Variants in ITFG2 observed in about 807,000 individuals in gnomAD.
ITFG2 encodes the protein integrin alpha FG-GAP repeat containing 2.
Under a neutral mutation model 54.4 loss-of-function variants are expected in ITFG2, and 36 were observed. That is an observed-to-expected ratio of 0.66 (90% CI 0.51 to 0.87). ITFG2 has a LOEUF of 0.87. Among genes scored for constraint, ITFG2 ranks in the 40% least tolerant of loss-of-function variants. The pLI is 0.00. For missense variants in ITFG2, 524 were observed against 576.7 expected (o/e 0.91, Z 0.94); for synonymous variants, 211 against 225.4 (o/e 0.94, Z 0.57).
chr12:2,834,858 G>C (rs35645225), upstream of ITFG2: 85,816 of 1,613,598 alleles, frequency 0.053, 4,026 homozygotes, highest in East Asian at 0.29. Context: ...GAGTGGGCCA[G>C]GGGCTGCTCG....
downstream of ITFG2, among the ~76,000 whole-genome samples, chr12:2,829,635 C>T (rs907617848): frequency 9.9e-5 from 15 of 151,852 alleles, no homozygotes; most frequent in African/African-American, 2.4e-4. Context: ...GCTGTGGTGG[C>T]GCACACTTGT....
intron 2 of ITFG2, among the ~76,000 whole-genome samples, chr12:2,850,919 G>A (rs1603489090): frequency 6.7e-6 from 1 of 150,338 alleles, no homozygotes; most frequent in Non-Finnish European, 1.5e-5. Context: ...TGATTCGCCC[G>A]CCTTGGCCTC....
chr12:2,820,259 G>A, intron 5 of ITFG2, 34 bp downstream of exon 5: 1 of 1,533,048 alleles, frequency 6.5e-7, no homozygotes. Context: ...AAGGCCCCAG[G>A]GAGCTGGGAG....
At chr12:2,829,124 T>A (rs1188140141), downstream of ITFG2, among the ~76,000 whole-genome samples, 1 of 152,042 alleles carries the variant, frequency 6.6e-6, no homozygotes, top group Non-Finnish European at 1.5e-5. Context: ...GAAACGGTGA[T>A]TTGTTTGTTT....
chr12:2,858,748 T>C, intron 3 of ITFG2: 27 of 1,614,190 alleles, frequency 1.7e-5, no homozygotes, highest in Non-Finnish European at 2.3e-5. Flanking sequence ...AGGCTGTCAT[T>C]CATTGTGTCC....
intron 2 of ITFG2, among the ~76,000 whole-genome samples, chr12:2,850,495 A>C (rs2098066595): frequency 6.7e-6 from 1 of 149,778 alleles, no homozygotes; most frequent in East Asian, 2.0e-4. Context: ...AAAAAAAAAA[A>C]TGGGGCCCCA....
rs756185712 is a variant in ITFG2 at position 2,820,235 on chromosome 12, T to G, written c.546+10T>G. The G allele has an allele frequency of 6.3e-7, 1 of 1,578,510 alleles. No homozygotes were observed. The highest frequency in any genetic ancestry group is 1.2e-5 in the South Asian group (1 of 85,728). On this transcript the variant is annotated intron_variant, in intron 5 of 11. Coordinates refer to ENST00000228799, the MANE Select transcript of ITFG2 (RefSeq NM_018463.4). ...GATGCTGGAGGGTCAGGTAAGAAGC[T>G]GACTCTGGGGAACAAGGCCCCAGGG... is the stretch of plus-strand genomic sequence containing the variant.
chr12:2,848,863 A>G (rs193239384), intron 2 of ITFG2, among the ~76,000 whole-genome samples: 2,275 of 136,658 alleles, frequency 0.017, 57 homozygotes, highest in African/African-American at 0.062. Context: ...CCCCACCCCA[A>G]CAGACACACA....
intron 9 of ITFG2, 82 bp downstream of exon 9, chr12:2,821,874 C>A: frequency 3.0e-6 from 3 of 1,008,756 alleles, no homozygotes; most frequent in Non-Finnish European, 4.5e-6. Context: ...AGGCTATTCT[C>A]ACATCCCAGG....
chr12:2,843,800 G>A (rs1488921753), intron 2 of ITFG2, among the ~76,000 whole-genome samples: 6 of 149,110 alleles, frequency 4.0e-5, no homozygotes, highest in African/African-American at 1.0e-4. Context: ...GTGACAGAGC[G>A]AGACTCCATC....
downstream of ITFG2, chr12:2,827,611 A>C: frequency 6.2e-7 from 1 of 1,614,156 alleles, no homozygotes; most frequent in South Asian, 1.1e-5. The surrounding 1 kb of genome is among the most constrained non-coding windows in gnomAD (Gnocchi z 4.0). Flanking sequence ...TCAGGCCCTG[A>C]GTGGGTGCCT....
At chr12:2,840,265 ATGGT>A (rs1433557370) in intron 1 of ITFG2, among the ~76,000 whole-genome samples, 1 of 152,028 alleles carries the variant, frequency 6.6e-6, no homozygotes, top group Non-Finnish European at 1.5e-5. Context: ...CCTGGCCAAC[ATGGT>A]GAAACCCCGT....
In ITFG2 at chr12:2,851,361, A is replaced by C. The variant is rs533324903; in HGVS notation, n.301-6651A>C. On this transcript the variant is annotated intron_variant and non_coding_transcript_variant, in intron 2 of 3. Coordinates refer to the ITFG2 transcript ENST00000537710. The stretch of plus-strand genomic sequence containing the variant: ...ACACTAAATTTATTTATTTATTTTG[A>C]GATGGAGTCTGACTCTGTCCCTGAT... Among the ~76,000 whole-genome samples the C allele has an allele frequency of 1.1e-4, 16 of 152,204 alleles. No homozygotes were observed. The South Asian group carries it at 1.2e-3, about 12-fold the overall frequency.
rs146243190 is a variant in ITFG2, at chr12:2,851,101, T to C, written n.301-6911T>C. 3.5e-4 allele frequency among the ~76,000 whole-genome samples: 50 copies of C among 144,806 alleles called. No individual in the cohort carries two copies. In the East Asian group the frequency reaches 9.6e-3, roughly 28 times the overall value. 95.0% of individuals were successfully genotyped at this position (144,806 alleles called of 152,430 possible). A position where few individuals can be genotyped will look rare whatever the true frequency, so the allele number is the denominator to read the frequency against. ...AGAATCGCTTGAACCCAGGAGGCAG[T>C]GAGCAGTGCCGAGATCATACCATTG... On this transcript the variant is annotated intron_variant and non_coding_transcript_variant, in intron 2 of 3. Transcript: ENST00000537710.
At chr12:2,855,245 T>G (rs1603494083) in intron 2 of ITFG2, 1 of 1,508,142 alleles carries the variant, frequency 6.6e-7, no homozygotes, top group South Asian at 1.2e-5. Context: ...AAGCCCCAGG[T>G]GTGCTGGGCG....
At chr12:2,849,637 T>C (rs1282449049) in intron 2 of ITFG2, 1 of 1,259,612 alleles carries the variant, frequency 7.9e-7, no homozygotes, top group Non-Finnish European at 1.1e-6. Flanking sequence ...TAGTTAGCCA[T>C]CAGGCGGCAG....
In ITFG2 at chr12:2,820,091, G is replaced by A. The variant is rs1396289603; in HGVS notation, c.412G>A (p.Asp138Asn). 8.7e-6 allele frequency: 14 copies of A among 1,607,874 alleles called. No homozygotes were observed. Among genetic ancestry groups the A allele is most frequent in the Non-Finnish European group, 1.2e-5 (14 of 1,177,460 alleles). Residue 138 changes from aspartate to asparagine, a missense_variant, in exon 5 of 12, where the codon GAT (aspartate) becomes AAT (asparagine). Transcript: ENST00000228799. ...CTTGTCTTTCATGCCCACAGATGGA[G>A]ATGGGTGTCGTGAGCTGGTGGTGGG... ...KVMLISDIDG[D>N]GCRELVVGYT...
chr12:2,834,682 G>A (rs761003150), upstream of ITFG2: 12 of 1,612,478 alleles, frequency 7.4e-6, no homozygotes, highest in African/African-American at 4.0e-5. Flanking sequence ...GCTGTCCAGC[G>A]GGAGCAGGTC....
chr12:2,820,688 C>T (rs1323886405), intron 5 of ITFG2, 36 bp from the exon 6 acceptor site: 7 of 1,356,108 alleles, frequency 5.2e-6, no homozygotes, highest in Non-Finnish European at 6.9e-6. Context: ...ACTTCCTTCT[C>T]TCTCCGTCTC....
Sources: allele counts gnomAD v4.1 joint callset (sites outside exome capture counted in the v4.1 genomes callset), GRCh38; gene constraint gnomAD v4.1.1; non-coding constraint Gnocchi (gnomAD v3.1); transcripts MANE v1.5; gene names NCBI Gene and HGNC (gene_info 2026-07-23, HGNC 2026-07-21).